The following HEATR4 variants were observed in gnomAD, a reference collection of about 807,000 sequenced individuals.
The protein encoded by HEATR4 is HEAT repeat containing 4, also known as HEAT repeat-containing protein 4.
In HEATR4, 95 loss-of-function variants were observed where a neutral mutation model predicts 108.8. The ratio of observed to expected loss-of-function variants is 0.87; its 90% CI spans 0.74 to 1.04. HEATR4 has a LOEUF of 1.04. HEATR4 is among the 50% of genes least tolerant of loss of function. The pLI is 0.00. For synonymous variants in HEATR4, 443 were observed against 459.4 expected, an observed-to-expected ratio of 0.96 and a Z score of 0.46; for missense variants, 1,152 against 1,253.8, an observed-to-expected ratio of 0.92 and a Z score of 1.23.
At chr14:73,574,804 T>C in the HEATR4 span, 91 of 1,585,226 alleles carry the variant, frequency 5.7e-5, no homozygotes, top group Admixed American at 6.0e-4. Context: ...TGGTAGAACC[T>C]AGATTCAGAC....
At chr14:73,602,984 T>C in the HEATR4 span, among the ~76,000 whole-genome samples, 1 of 152,312 alleles carries the variant, frequency 6.6e-6, no homozygotes, top group Non-Finnish European at 1.5e-5. Context: ...TCTTACAATC[T>C]TTTACCAAAA....
At chr14:73,496,826 G>A in intron 14 of HEATR4, 147 bp from the exon 15 acceptor site, 1 of 605,358 alleles carries the variant, frequency 1.7e-6, no homozygotes, top group Non-Finnish European at 2.9e-6. Flanking sequence ...TGCAAAAATG[G>A]TATAATGCTT....
the HEATR4 span, chr14:73,575,151 G>C: frequency 2.4e-6 from 3 of 1,226,998 alleles, no homozygotes; most frequent in East Asian, 8.0e-5. Flanking sequence ...CCCTTTGGAA[G>C]GACCTGACCA....
intron 16 of HEATR4, among the ~76,000 whole-genome samples, chr14:73,494,189 T>G (rs893075152): frequency 6.6e-6 from 1 of 152,198 alleles, no homozygotes; most frequent in Non-Finnish European, 1.5e-5. Context: ...AAGTGAATAT[T>G]CTCATGGTTG....
the HEATR4 span, among the ~76,000 whole-genome samples, chr14:73,623,511 C>G: frequency 6.6e-6 from 1 of 151,994 alleles, no homozygotes; most frequent in Admixed American, 6.6e-5. Context: ...TAGCAAGACC[C>G]TGTTTCTACT....
chr14:73,519,090 G>C lies in HEATR4; in HGVS notation c.1143C>G (p.Asn381Lys), dbSNP rs80266286. 7,413 of 1,613,980 alleles carry C rather than the reference G, an allele frequency of 4.6e-3. 328 individuals carry two copies. In the African/African-American group the frequency reaches 0.088, roughly 19 times the overall value. The stretch of plus-strand genomic sequence containing the variant: ...CAGGGAAGACCTTAGATAGCTGCTT[G>C]TTGTACCGATTTAGGTTTTCCAGGA... ...QIVLENLNRY[N>K]KQLSKVFPET... The change falls in exon 5 of 18, where the codon AAC (asparagine) becomes AAG (lysine). Residue 381 changes from asparagine (N) to lysine (K), a missense_variant. Asn to Lys is a moderately conservative substitution (Grantham distance 94). Coordinates refer to ENST00000553558, the MANE Select transcript of HEATR4 (RefSeq NM_001220484.1).
At chr14:73,575,352 CT>C in the HEATR4 span, 47 of 1,012,182 alleles carry the variant, frequency 4.6e-5, no homozygotes, top group African/African-American at 9.0e-4. Flanking sequence ...TTACTTCCCC[CT>C]GTGTCGGGCT....
At chr14:73,629,543 GGA>G in the HEATR4 span, among the ~76,000 whole-genome samples, 1 of 152,194 alleles carries the variant, frequency 6.6e-6, no homozygotes, top group South Asian at 2.1e-4. Flanking sequence ...TCCAGCTTGA[GGA>G]GAGACTGGAA....
chr14:73,584,097 T>TAC, the HEATR4 span, among the ~76,000 whole-genome samples: 1 of 151,762 alleles, frequency 6.6e-6, no homozygotes. Flanking sequence ...TACAACTTCC[T>TAC]ACACACACTG....
At position 73,555,233 on chromosome 14, in the gene HEATR4, G is replaced by A. The variant is rs1490621480; in HGVS notation, c.-152+3518C>T. On this transcript the variant is annotated intron_variant, in intron 1 of 17. Coordinates refer to ENST00000553558, the MANE Select transcript of HEATR4 (RefSeq NM_001220484.1). Reference sequence around the variant, plus strand: ...TAATAATCAAACTCTCAAAGGTCAAGGCTAAAAAAGGATCCTAAAAGCAGC... The same window carrying A: ...TAATAATCAAACTCTCAAAGGTCAAAGCTAAAAAAGGATCCTAAAAGCAGC... Among the ~76,000 whole-genome samples the A allele has an allele frequency of 1.8e-5, 2 of 111,038 alleles. 1 individual carries two copies. Among genetic ancestry groups the A allele is most frequent in the Non-Finnish European group, 3.9e-5 (2 of 51,094 alleles). The allele number at this position is 111,038 out of a possible 152,430, so 72.8% of individuals were successfully genotyped here.
chr14:73,508,481 G>A (rs1303099681), intron 8 of HEATR4, among the ~76,000 whole-genome samples, 187 bp from the exon 9 acceptor site: 1 of 152,074 alleles, frequency 6.6e-6, no homozygotes, highest in Non-Finnish European at 1.5e-5. Flanking sequence ...GGGCACGGTG[G>A]CTAACACCTG....
chr14:73,573,497 T>C, the HEATR4 span: 1 of 1,613,736 alleles, frequency 6.2e-7, no homozygotes, highest in Non-Finnish European at 8.5e-7. Context: ...TGGCTCTGGC[T>C]TATTATAACT....
the HEATR4 span, among the ~76,000 whole-genome samples, chr14:73,620,859 C>T: frequency 0.52 from 78,059 of 151,126 alleles, 20,921 homozygotes; most frequent in East Asian, 0.85. Flanking sequence ...TGAGCCACCA[C>T]GCCTGGCTCT....
At chr14:73,600,773 A>C in the HEATR4 span, among the ~76,000 whole-genome samples, 3,066 of 152,130 alleles carry the variant, frequency 0.02, 109 homozygotes, top group African/African-American at 0.07. Flanking sequence ...TTTCTTAAAA[A>C]CTTTGTGGGG....
chr14:73,479,202 G>A (rs1032939000), intron 17 of HEATR4, among the ~76,000 whole-genome samples: 3 of 151,636 alleles, frequency 2.0e-5, no homozygotes, highest in African/African-American at 7.3e-5. Context: ...TGCCAGCTCC[G>A]CCTCCCGGGT....
chr14:73,528,324 G>A (rs1287644619), intron 2 of HEATR4, among the ~76,000 whole-genome samples: 25 of 148,446 alleles, frequency 1.7e-4, no homozygotes, highest in Admixed American at 1.5e-3. Context: ...GCTGGGAGGC[G>A]GAGGTTGCAG....
At chr14:73,618,324 G>T in the HEATR4 span, among the ~76,000 whole-genome samples, 6 of 146,680 alleles carry the variant, frequency 4.1e-5, no homozygotes, top group African/African-American at 1.4e-4. Context: ...CGGCACCCCA[G>T]AATTCTCTGC....
At chr14:73,564,721 G>GTTT in the HEATR4 span, among the ~76,000 whole-genome samples, 409 of 83,536 alleles carry the variant, frequency 4.9e-3, 46 homozygotes, top group Non-Finnish European at 6.9e-3. Flanking sequence ...TATCTTTTCT[G>GTTT]TTTTTTGTTT....
chr14:73,495,424 A>G, intron 15 of HEATR4, 37 bp from the exon 16 acceptor site: 1 of 1,553,736 alleles, frequency 6.4e-7, no homozygotes, highest in East Asian at 2.2e-5. Context: ...AAACAAAACA[A>G]AACACCTGTA....
Sources: gnomAD v4.1 joint callset for allele counts (sites outside exome capture counted in the v4.1 genomes callset) on GRCh38, gnomAD v4.1.1 for gene constraint, MANE v1.5 for transcripts, NCBI Gene and HGNC (gene_info 2026-07-23, HGNC 2026-07-21) for gene names.